Variants in IFT52 observed in about 807,000 individuals in gnomAD.
IFT52 encodes intraflagellar transport 52.
IFT52 carries 44 observed loss-of-function variants against 54.4 expected under a neutral mutation model. That is an observed-to-expected ratio of 0.81 (90% CI 0.63 to 1.04). IFT52 has a LOEUF of 1.04. Ranked by LOEUF, IFT52 falls within the 50% of genes least tolerant of loss-of-function variation. IFT52 has a pLI of 0.00. For synonymous variants in IFT52, 181 were observed against 185.3 expected (o/e 0.98, Z 0.19); for missense variants, 452 against 523.6 (o/e 0.86, Z 1.33).
intron 7 of IFT52, among the ~76,000 whole-genome samples, chr20:43,617,932 CAG>C (rs1983983120): frequency 6.6e-6 from 1 of 152,050 alleles, no homozygotes; most frequent in Non-Finnish European, 1.5e-5. Context: ...CTAGTAGAGA[CAG>C]GGTTTTGCCT....
Position 43,635,982 on chromosome 20 carries a change from T to A in IFT52, c.980T>A (p.Phe327Tyr). Residue 327 changes from phenylalanine to tyrosine, a missense_variant, in exon 11 of 14, where the codon TTT becomes TAT. Physicochemically the swap from Phe to Tyr is conservative, Grantham distance 22. Transcript: ENST00000373030. ...CCACTCCAGCTCATCCAGCCTCAGT[T>A]TGAGACGCCGCTGCCAACCCTTCAG... The part of the protein sequence containing the change: ...HEPLQLIQPQ[F>Y]ETPLPTLQPA... The A allele has an allele frequency of 6.2e-7, 1 of 1,614,204 alleles. No homozygotes were observed. The highest frequency in any genetic ancestry group is 8.5e-7 in the Non-Finnish European group (1 of 1,180,030).
chr20:43,598,504 G>A (rs1368605081), intron 3 of IFT52, among the ~76,000 whole-genome samples: 2 of 152,114 alleles, frequency 1.3e-5, no homozygotes, highest in African/African-American at 2.4e-5. Context: ...AGACCAGCTT[G>A]GCCAACATGG....
chr20:43,618,015 C>T (rs1041408882), intron 7 of IFT52, among the ~76,000 whole-genome samples: 46 of 152,172 alleles, frequency 3.0e-4, no homozygotes, highest in Middle Eastern at 3.4e-3. Context: ...TCCCAAAGTG[C>T]TGGGATTACA....
At chr20:43,646,686 T>C (rs1353118487) in intron 13 of IFT52, among the ~76,000 whole-genome samples, 2 of 152,140 alleles carry the variant, frequency 1.3e-5, no homozygotes, top group African/African-American at 2.4e-5. Flanking sequence ...GTGTGGTCTT[T>C]GCACCAGTGC....
chr20:43,592,697 T>C (rs1443026026), intron 1 of IFT52, among the ~76,000 whole-genome samples: 1 of 152,222 alleles, frequency 6.6e-6, no homozygotes, highest in Non-Finnish European at 1.5e-5. Context: ...AGGAAAAGAT[T>C]CATACTTTTA....
chr20:43,635,918 GA>G lies in IFT52; in HGVS notation c.924-6del. On this transcript the variant is annotated splice_region_variant and splice_polypyrimidine_tract_variant and intron_variant, in intron 10 of 13. Transcript: ENST00000373030. ...GATCCCTGCTTTTTTGTTTGATTATGAACACAGGGCTCACGAGCAGCTAAAT... is the reference window on the plus strand; with the variant it reads ...GATCCCTGCTTTTTTGTTTGATTATGACACAGGGCTCACGAGCAGCTAAAT... 1 of 1,613,800 alleles carries G rather than the reference GA, an allele frequency of 6.2e-7. No homozygotes were observed. Among genetic ancestry groups the G allele is most frequent in the Non-Finnish European group, 8.5e-7 (1 of 1,179,786 alleles).
At chr20:43,594,951 G>A (rs1981817888) in intron 2 of IFT52, 134 bp downstream of exon 2, 2 of 641,684 alleles carry the variant, frequency 3.1e-6, no homozygotes, top group East Asian at 2.7e-5. Context: ...TTCAGAATTA[G>A]GTCTGGCGTG....
chr20:43,626,400 C>T (rs1984725724), intron 10 of IFT52, among the ~76,000 whole-genome samples: 1 of 151,812 alleles, frequency 6.6e-6, no homozygotes, highest in African/African-American at 2.4e-5. Flanking sequence ...AGTAGCACCA[C>T]CATGCCCAGC....
intron 7 of IFT52, among the ~76,000 whole-genome samples, chr20:43,618,673 G>A (rs991174377): frequency 3.3e-5 from 5 of 151,540 alleles, no homozygotes; most frequent in African/African-American, 9.7e-5. Context: ...TAGTAGAGAC[G>A]GGGTTTCACC....
chr20:43,626,243 A>C (rs57149239), intron 10 of IFT52, among the ~76,000 whole-genome samples: 1,653 of 150,742 alleles, frequency 0.011, 22 homozygotes, highest in African/African-American at 0.03. Flanking sequence ...TCTGTACTTC[A>C]TCTAAAGCAT....
rs548219408 is a variant in IFT52 at position 43,629,581 on chromosome 20, G to A, written c.923+5536G>A. 2.0e-5 allele frequency among the ~76,000 whole-genome samples: 3 copies of A among 152,118 alleles called. No homozygotes were observed. The South Asian group carries it at 6.2e-4, about 32-fold the overall frequency. The stretch of plus-strand genomic sequence containing the variant: ...GCCACCGAGCCCGGCCCCAACTTAA[G>A]TTTTACAGACATTGAACCCCCACTT... On this transcript the variant is annotated intron_variant, in intron 10 of 13. Transcript: ENST00000373030.
At chr20:43,619,077 T>G (rs774823572) in intron 8 of IFT52, 51 bp downstream of exon 8, 4 of 1,293,748 alleles carry the variant, frequency 3.1e-6, no homozygotes, top group Non-Finnish European at 4.4e-6. Flanking sequence ...TATTTTCATG[T>G]CATTTAAAAA....
intron 3 of IFT52, among the ~76,000 whole-genome samples, chr20:43,598,824 T>G (rs528970280): frequency 8.5e-5 from 13 of 152,130 alleles, no homozygotes; most frequent in African/African-American, 3.1e-4. Flanking sequence ...AAAGAGCCAT[T>G]TTACAGAGAA....
chr20:43,621,388 C>T (rs538078343), intron 9 of IFT52, among the ~76,000 whole-genome samples: 84 of 152,288 alleles, frequency 5.5e-4, no homozygotes, highest in Middle Eastern at 6.8e-3. Flanking sequence ...AGTGAAATCA[C>T]CACCGGCTCT....
At position 43,635,989 on chromosome 20, in the gene IFT52, G is replaced by T; in HGVS notation, c.987G>T (p.Thr329=). The part of the protein sequence containing the change: ...PLQLIQPQFE[T]PLPTLQPAVF... ...AGCTCATCCAGCCTCAGTTTGAGAC[G>T]CCGCTGCCAACCCTTCAGCCTGCGG... Residue 329 remains threonine (T), a synonymous_variant, in exon 11 of 14, where the codon ACG becomes ACT. Coordinates refer to ENST00000373030, the MANE Select transcript of IFT52 (RefSeq NM_016004.5). The T allele has an allele frequency of 6.2e-7, 1 of 1,614,138 alleles. No individual in the cohort carries two copies. Among genetic ancestry groups the T allele is most frequent in the Non-Finnish European group, 8.5e-7 (1 of 1,180,010 alleles).
chr20:43,624,419 T>C (rs888855879), intron 10 of IFT52, among the ~76,000 whole-genome samples: 4 of 152,166 alleles, frequency 2.6e-5, no homozygotes, highest in African/African-American at 9.7e-5. Context: ...GGGCAACTGG[T>C]AATGCTATTA....
rs1021401754 is a variant in IFT52 at position 43,625,380 on chromosome 20, G to A, written c.923+1335G>A. ...AAAAATTAGCTGGGCACGATGGTGG[G>A]CACCTGTAATCCCAGCTACTCAAAG... On this transcript the variant is annotated intron_variant, in intron 10 of 13. Coordinates refer to ENST00000373030, the MANE Select transcript of IFT52 (RefSeq NM_016004.5). 2.0e-5 allele frequency among the ~76,000 whole-genome samples: 3 copies of A among 152,142 alleles called. 1 individual carries two copies. The highest frequency in any genetic ancestry group is 2.4e-5 in the African/African-American group (1 of 41,518).
In IFT52 at chr20:43,599,169, C is replaced by A. The variant is rs371466802; in HGVS notation, c.207+2647C>A. Among the ~76,000 whole-genome samples, 18 of 152,260 alleles carry A rather than the reference C, an allele frequency of 1.2e-4. 1 individual carries two copies. Among genetic ancestry groups the A allele is most frequent in the African/African-American group, 3.6e-4 (15 of 41,556 alleles). On this transcript the variant is annotated intron_variant, in intron 3 of 13. Transcript: ENST00000373030. ...CTGAGGGATATGTACACACAGAGGGCAGTGGCCTGCAGAGCAACACTCTAT... is the reference window on the plus strand; with the variant it reads ...CTGAGGGATATGTACACACAGAGGGAAGTGGCCTGCAGAGCAACACTCTAT...
intron 10 of IFT52, among the ~76,000 whole-genome samples, chr20:43,632,137 C>T (rs1439830881): frequency 2.6e-5 from 4 of 152,010 alleles, no homozygotes; most frequent in Admixed American, 2.6e-4. Flanking sequence ...GTTAGTCAGA[C>T]TGGTCTTGAA....
Sources: gnomAD v4.1 joint callset for allele counts (sites outside exome capture counted in the v4.1 genomes callset) on GRCh38, gnomAD v4.1.1 for gene constraint, MANE v1.5 for transcripts, NCBI Gene and HGNC (gene_info 2026-07-23, HGNC 2026-07-21) for gene names.